The following ZBBX variants were observed in gnomAD, a reference collection of about 807,000 sequenced individuals.
ZBBX encodes zinc finger B-box domain containing, also known as zinc finger B-box domain-containing protein 1.
In ZBBX, 101 loss-of-function variants were observed where a neutral mutation model predicts 108.5. The ratio of observed to expected loss-of-function variants is 0.93; its 90% CI spans 0.79 to 1.10. The LOEUF (loss-of-function observed/expected upper bound fraction) is 1.10. Ranked by LOEUF, ZBBX falls within the 50% of genes least tolerant of loss-of-function variation. The pLI, the probability that ZBBX is intolerant of heterozygous loss-of-function variation, is 0.00. For missense variants in ZBBX, 1,009 were observed against 941.4 expected (o/e 1.07, Z -0.94); for synonymous variants, 356 against 323.4 (o/e 1.10, Z -1.08).
At chr3:167,197,669 C>CA in the ZBBX span, among the ~76,000 whole-genome samples, 5 of 151,930 alleles carry the variant, frequency 3.3e-5, no homozygotes, top group Non-Finnish European at 7.4e-5. Context: ...AGAAAAATTC[C>CA]AAAAAATACT....
chr3:167,260,068 T>C (rs746372365), intron 20 of ZBBX, among the ~76,000 whole-genome samples: 7 of 152,178 alleles, frequency 4.6e-5, no homozygotes, highest in Admixed American at 1.3e-4. Context: ...CTGAAAAAGA[T>C]TGTATCTTTC....
the ZBBX span, among the ~76,000 whole-genome samples, chr3:167,206,740 T>C: frequency 6.6e-6 from 1 of 152,238 alleles, no homozygotes. Flanking sequence ...TTTCATATTA[T>C]ATCACAATGC....
intron 11 of ZBBX, among the ~76,000 whole-genome samples, chr3:167,325,921 G>A (rs1737300494): frequency 6.6e-6 from 1 of 152,176 alleles, no homozygotes; most frequent in South Asian, 2.1e-4. Flanking sequence ...AGAAAATGCA[G>A]GAAAATAGTC....
intron 20 of ZBBX, among the ~76,000 whole-genome samples, chr3:167,275,344 T>C (rs1262340175): frequency 9.2e-5 from 14 of 152,146 alleles, no homozygotes; most frequent in African/African-American, 2.4e-5. Flanking sequence ...AGACGGGTGA[T>C]TTCTGCATTT....
In ZBBX at chr3:167,282,352, CT is replaced by C; in HGVS notation, c.2139del (p.Glu714LysfsTer15). On this transcript the variant is annotated frameshift_variant, in exon 20 of 22. Transcript: ENST00000675490. LOFTEE classifies it high-confidence loss of function. ...TCAGTAATATCAATATATTCAATTT[CT>C]GAAATTTCAGAAGCAGCTCTAGATG... ...QSSSRAASEISEIEYIDITDQ... is the reference protein window; with the variant it reads ...QSSSRAASEIXEIEYIDITDQ... 6.2e-7 allele frequency: 1 copy of C among 1,614,096 alleles called. No individual in the cohort carries two copies. The highest frequency in any genetic ancestry group is 8.5e-7 in the Non-Finnish European group (1 of 1,180,004).
rs74589760 is a variant in ZBBX, at chr3:167,340,038, T to G, written c.529-6053A>C. ...TGAAGAATTATGCTTTAATTTATGGTAAAACAAACTCTTTTATTAGAAGTC... is the reference window on the plus strand; with the variant it reads ...TGAAGAATTATGCTTTAATTTATGGGAAAACAAACTCTTTTATTAGAAGTC... On this transcript the variant is annotated intron_variant, in intron 9 of 21. Transcript: ENST00000675490. Among the ~76,000 whole-genome samples the G allele has an allele frequency of 5.1e-3, 772 of 152,224 alleles. 6 individuals are homozygous for G. The highest frequency in any genetic ancestry group is 0.018 in the African/African-American group (741 of 41,534).
intron 16 of ZBBX, among the ~76,000 whole-genome samples, chr3:167,312,394 T>A (rs1734740820): frequency 6.6e-6 from 1 of 152,180 alleles, no homozygotes; most frequent in Admixed American, 6.5e-5. Context: ...ACTCATAGCA[T>A]GTACAATACC....
Position 167,305,817 on chromosome 3 carries a change from T to A in ZBBX, c.1551A>T (p.Gln517His), listed in dbSNP as rs367657583. 1 of 1,612,676 alleles carries A rather than the reference T, an allele frequency of 6.2e-7. No individual in the cohort carries two copies. The highest frequency in any genetic ancestry group is 1.3e-5 in the African/African-American group (1 of 74,884). The change falls in exon 17 of 22, where the codon CAA (glutamine) becomes CAT (histidine). Residue 517 changes from glutamine to histidine, a missense_variant. By Grantham distance (24) the Gln-to-His change is conservative. Transcript: ENST00000675490. The part of the protein sequence containing the change: ...KEKNIGLESN[Q>H]KSDDSCVSLE... Reference sequence around the variant, plus strand: ...GTGATACACAGGAATCATCAGACTTTTGATTACTTTCTAAACCTATATTTT... The same window carrying A: ...GTGATACACAGGAATCATCAGACTTATGATTACTTTCTAAACCTATATTTT...
chr3:167,218,686 TAA>T, the ZBBX span, among the ~76,000 whole-genome samples: 3 of 150,740 alleles, frequency 2.0e-5, no homozygotes, highest in Non-Finnish European at 4.4e-5. Flanking sequence ...TCATCTTCAC[TAA>T]AAAAAAGAGA....
At chr3:167,261,580 G>C (rs73879640) in intron 20 of ZBBX, among the ~76,000 whole-genome samples, 1 of 151,894 alleles carries the variant, frequency 6.6e-6, no homozygotes, top group South Asian at 2.1e-4. Flanking sequence ...GGCTGCCTCT[G>C]CTGAGTCATG....
At chr3:167,185,696 G>A in the ZBBX span, among the ~76,000 whole-genome samples, 11 of 151,976 alleles carry the variant, frequency 7.2e-5, no homozygotes, top group African/African-American at 2.2e-4. Flanking sequence ...TGCCATTCCA[G>A]AATGTTACAT....
chr3:167,180,941 A>T, the ZBBX span, among the ~76,000 whole-genome samples: 1 of 152,330 alleles, frequency 6.6e-6, no homozygotes, highest in East Asian at 1.9e-4. Flanking sequence ...TTTCTTAATA[A>T]CAAAGACTGG....
At chr3:167,299,418 T>C (rs954735682) in intron 17 of ZBBX, among the ~76,000 whole-genome samples, 1 of 152,084 alleles carries the variant, frequency 6.6e-6, no homozygotes, top group Non-Finnish European at 1.5e-5. Flanking sequence ...CAGACACCAA[T>C]AAACAATTAC....
rs1745683451 is a variant in ZBBX at position 167,368,518 on chromosome 3, A to G, written c.125T>C (p.Met42Thr). The change falls in exon 5 of 22, where the codon ATG (methionine) becomes ACG (threonine). Residue 42 changes from methionine (M) to threonine (T), a missense_variant. Physicochemically the swap from Met to Thr is moderately conservative, Grantham distance 81. Transcript: ENST00000675490. ...KVQLEFENQE[M>T]EKKLQEFRST... ...TCGGAATTCTTGCAGTTTCTTCTCC[A>G]TCTCTTGGTTCTCAAACTCTAACTG... 1.2e-6 allele frequency: 2 copies of G among 1,612,162 alleles called. No homozygotes were observed. Among genetic ancestry groups the G allele is most frequent in the Admixed American group, 1.7e-5 (1 of 59,912 alleles).
At chr3:167,196,052 T>C in the ZBBX span, among the ~76,000 whole-genome samples, 1 of 152,196 alleles carries the variant, frequency 6.6e-6, no homozygotes, top group African/African-American at 2.4e-5. Flanking sequence ...ATGGCCACTA[T>C]ACATTCTTCT....
intron 11 of ZBBX, among the ~76,000 whole-genome samples, chr3:167,326,316 G>T (rs1577005808): frequency 1.3e-5 from 2 of 152,186 alleles, no homozygotes; most frequent in South Asian, 2.1e-4. Flanking sequence ...GTATGTGTGT[G>T]TACATAACTA....
chr3:167,374,075 T>C (rs1746581123), intron 2 of ZBBX, among the ~76,000 whole-genome samples: 1 of 152,040 alleles, frequency 6.6e-6, no homozygotes, highest in Non-Finnish European at 1.5e-5. Flanking sequence ...AAAAATAATA[T>C]CCAAGGCCGT....
chr3:167,190,541 C>T, the ZBBX span, among the ~76,000 whole-genome samples: 4 of 152,090 alleles, frequency 2.6e-5, no homozygotes, highest in South Asian at 4.2e-4. Flanking sequence ...CCACCACGCC[C>T]GGCTAATTTT....
intron 18 of ZBBX, among the ~76,000 whole-genome samples, chr3:167,295,899 A>C (rs1731619568): frequency 6.6e-6 from 1 of 151,138 alleles, no homozygotes; most frequent in Non-Finnish European, 1.5e-5. Context: ...CAAAAGATTG[A>C]AGAGGAGGGA....
Sources: gnomAD v4.1 joint callset for allele counts (sites outside exome capture counted in the v4.1 genomes callset) on GRCh38, gnomAD v4.1.1 for gene constraint, MANE v1.5 for transcripts, NCBI Gene and HGNC (gene_info 2026-07-23, HGNC 2026-07-21) for gene names.